Variants in ADGB observed in about 807,000 individuals in gnomAD.
ADGB encodes the protein calpain-7-like protein.
In ADGB, 172 loss-of-function variants were observed where a neutral mutation model predicts 210.5. That is an observed-to-expected ratio of 0.82 (90% CI 0.72 to 0.93). ADGB has a LOEUF of 0.93. Among genes scored for constraint, ADGB ranks in the 40% least tolerant of loss-of-function variants. The probability of loss-of-function intolerance (pLI) is 0.00; values close to 1 mark genes in which losing one functional copy is unlikely to be tolerated. For synonymous variants in ADGB, 658 were observed against 662.7 expected, an observed-to-expected ratio of 0.99 and a Z score of 0.11; for missense variants, 2,025 against 1,964.8, an observed-to-expected ratio of 1.03 and a Z score of -0.58.
At chr6:146,804,251 T>G (rs1034725107) in intron 35 of ADGB, among the ~76,000 whole-genome samples, 18 of 152,096 alleles carry the variant, frequency 1.2e-4, no homozygotes, top group African/African-American at 3.9e-4. Context: ...TCTTTTTTTC[T>G]CCCTGCAACA....
chr6:146,660,034 T>A (rs773181045), intron 5 of ADGB, among the ~76,000 whole-genome samples: 6 of 152,140 alleles, frequency 3.9e-5, no homozygotes, highest in African/African-American at 1.4e-4. Context: ...ACCACAATGT[T>A]ATTCTAGAAT....
intron 33 of ADGB, among the ~76,000 whole-genome samples, chr6:146,792,305 C>CTTT (rs1777965629): frequency 6.6e-6 from 1 of 152,102 alleles, no homozygotes; most frequent in African/African-American, 2.4e-5. Flanking sequence ...TCGTGGATTG[C>CTTT]TTTGAGTGGT....
At chr6:146,685,946 G>A in intron 10 of ADGB, 118 bp downstream of exon 10, 2 of 544,920 alleles carry the variant, frequency 3.7e-6, no homozygotes, top group Non-Finnish European at 5.9e-6. Flanking sequence ...TTCTATCTGT[G>A]GATGTCAGTT....
In ADGB at chr6:146,739,081, G is replaced by A. The variant is rs184100563; in HGVS notation, c.2889-1378G>A. On this transcript the variant is annotated intron_variant, in intron 23 of 35. Transcript: ENST00000397944. ...TTTGATGGCCCTACATTCATTAAAC[G>A]GGTAGAATGTTTAAGGGGAACAGTG... 6.6e-4 allele frequency among the ~76,000 whole-genome samples: 100 copies of A among 152,182 alleles called. No homozygotes were observed. In the East Asian group the frequency reaches 8.5e-3, roughly 13 times the overall value.
intron 4 of ADGB, among the ~76,000 whole-genome samples, chr6:146,655,779 A>T (rs1473537735): frequency 6.6e-6 from 1 of 152,100 alleles, no homozygotes; most frequent in African/African-American, 2.4e-5. Flanking sequence ...TTCTACAATA[A>T]ATTTTCCAGA....
chr6:146,733,789 T>C, intron 21 of ADGB, 104 bp from the exon 22 acceptor site: 2 of 1,213,694 alleles, frequency 1.6e-6, no homozygotes, highest in Non-Finnish European at 1.2e-6. Flanking sequence ...ACTCTTGCAA[T>C]GTAGAATTTT....
chr6:146,807,838 T>C, intron 35 of ADGB: 1 of 240,400 alleles, frequency 4.2e-6, no homozygotes, highest in East Asian at 8.9e-5. Context: ...TTTGACACTC[T>C]AAACTGCCTG....
At chr6:146,679,159 G>A (rs1161155723) in intron 9 of ADGB, among the ~76,000 whole-genome samples, 1 of 152,120 alleles carries the variant, frequency 6.6e-6, no homozygotes, top group Non-Finnish European at 1.5e-5. Context: ...TTGGAAATAT[G>A]GAATGTGACG....
intron 30 of ADGB, among the ~76,000 whole-genome samples, chr6:146,782,735 C>G (rs1777819707): frequency 6.6e-6 from 1 of 152,074 alleles, no homozygotes; most frequent in Admixed American, 6.6e-5. Flanking sequence ...GGCTGGGACT[C>G]TATATACAGT....
chr6:146,800,651 T>C (rs960858284), intron 33 of ADGB, among the ~76,000 whole-genome samples: 5 of 152,216 alleles, frequency 3.3e-5, no homozygotes, highest in African/African-American at 1.2e-4. Context: ...AAGCTGCTGC[T>C]AATTTGATTT....
Position 146,801,900 on chromosome 6 carries a change from A to T in ADGB, c.4707A>T (p.Glu1569Asp), listed in dbSNP as rs900128920. 1 of 1,551,260 alleles carries T rather than the reference A, an allele frequency of 6.4e-7. No homozygotes were observed. The highest frequency in any genetic ancestry group is 8.7e-7 in the Non-Finnish European group (1 of 1,146,828). ...NQQQAMQKAEEIHQFRQHRTR... is the reference protein window; with the variant it reads ...NQQQAMQKAEDIHQFRQHRTR... ...AGCAGGCAATGCAAAAGGCGGAAGA[A>T]ATTCATCAGTTTCGACAGCATAGGA... Residue 1569 changes from glutamate (E) to aspartate (D), a missense_variant, in exon 35 of 36, where the codon GAA (glutamate) becomes GAT (aspartate). By Grantham distance (45) the Glu-to-Asp change is conservative (BLOSUM62 2). Transcript: ENST00000397944.
chr6:146,793,097 A>C (rs1284233163), intron 33 of ADGB, among the ~76,000 whole-genome samples: 1 of 152,072 alleles, frequency 6.6e-6, no homozygotes, highest in Non-Finnish European at 1.5e-5. Flanking sequence ...TATTTGTCCC[A>C]TCCCATGTTC....
At chr6:146,638,609 T>TG (rs775369223) in intron 2 of ADGB, among the ~76,000 whole-genome samples, 457 of 23,988 alleles carry the variant, frequency 0.019, 2 homozygotes, top group East Asian at 0.056. Flanking sequence ...TGTTGTGGGG[T>TG]GGGGGGGGGG....
intron 3 of ADGB, among the ~76,000 whole-genome samples, chr6:146,648,563 G>A (rs1775654505): frequency 6.6e-6 from 1 of 152,048 alleles, no homozygotes; most frequent in Non-Finnish European, 1.5e-5. Flanking sequence ...AAAGGGGGAA[G>A]TGCATATACT....
chr6:146,643,143 G>A lies in ADGB; in HGVS notation c.238-1630G>A, dbSNP rs374550535. On this transcript the variant is annotated intron_variant, in intron 2 of 35. Transcript: ENST00000397944. ...CTCCTGGAAATTCAGTCAATTTTTC[G>A]ATGACTCGCTTTTTGAGACTCTTGC... Among the ~76,000 whole-genome samples the A allele has an allele frequency of 3.0e-4, 46 of 151,914 alleles. 1 individual carries two copies. The Middle Eastern group carries it at 0.01, about 34-fold the overall frequency.
Position 146,656,860 on chromosome 6 carries a change from G to A in ADGB, c.492G>A (p.Gly164=), listed in dbSNP as rs1562266418. 8 of 1,551,568 alleles carry A rather than the reference G, an allele frequency of 5.2e-6. No individual in the cohort carries two copies. The highest frequency in any genetic ancestry group is 7.0e-6 in the Non-Finnish European group (8 of 1,146,752). The part of the protein sequence containing the change: ...ILSNYFKGTS[G]EPPLLPWKPW... ...GCAATTATTTTAAGGGGACTTCAGGGGAACCTCCTCTTCTCCCCTGGAAGC... is the reference window on the plus strand; with the variant it reads ...GCAATTATTTTAAGGGGACTTCAGGAGAACCTCCTCTTCTCCCCTGGAAGC... The change falls in exon 5 of 36, where the codon GGG becomes GGA. Residue 164 remains glycine, a synonymous_variant. Coordinates refer to ENST00000397944, the MANE Select transcript of ADGB (RefSeq NM_024694.4).
intron 1 of ADGB, among the ~76,000 whole-genome samples, chr6:146,621,155 G>A (rs201803371): frequency 5.9e-5 from 9 of 152,084 alleles, no homozygotes; most frequent in Non-Finnish European, 1.0e-4. Flanking sequence ...TCTGGTCTTG[G>A]GAAGACTTAA....
chr6:146,668,807 G>A (rs1583582157), intron 7 of ADGB, among the ~76,000 whole-genome samples: 1 of 152,030 alleles, frequency 6.6e-6, no homozygotes, highest in Admixed American at 6.6e-5. Flanking sequence ...TCAAAACAGA[G>A]TATCTTCTAA....
chr6:146,720,795 G>A (rs373382143), intron 16 of ADGB, among the ~76,000 whole-genome samples: 6 of 152,198 alleles, frequency 3.9e-5, no homozygotes, highest in African/African-American at 1.2e-4. Context: ...GAACTCCATC[G>A]CTAGAAAAGC....
Sources: allele counts gnomAD v4.1 joint callset (sites outside exome capture counted in the v4.1 genomes callset), GRCh38; gene constraint gnomAD v4.1.1; transcripts MANE v1.5; gene names NCBI Gene and HGNC (gene_info 2026-07-23, HGNC 2026-07-21).